DNM1L: variants seen among roughly 807,000 people sequenced by gnomAD.
The protein encoded by DNM1L is dynamin-1-like protein.
In DNM1L, 33 loss-of-function variants were observed where a neutral mutation model predicts 92.8. The observed-to-expected ratio is 0.36, with a 90% confidence interval of 0.27 to 0.48. DNM1L has a LOEUF of 0.48. Among genes scored for constraint, DNM1L ranks in the 20% least tolerant of loss-of-function variants. DNM1L has a pLI of 0.99. For missense variants in DNM1L, 485 were observed against 888.8 expected (o/e 0.55, Z 5.78); for synonymous variants, 284 against 305.0 (o/e 0.93, Z 0.72).
chr12:32,695,824 TGAA>T (rs2137271719), intron 1 of DNM1L, among the ~76,000 whole-genome samples: 2 of 151,850 alleles, frequency 1.3e-5, no homozygotes, highest in East Asian at 3.9e-4. Flanking sequence ...ATTTTAGAAA[TGAA>T]GACAAATTAG....
chr12:32,704,423 G>C (rs1346286931), intron 2 of DNM1L, among the ~76,000 whole-genome samples: 1 of 151,866 alleles, frequency 6.6e-6, no homozygotes, highest in Non-Finnish European at 1.5e-5. Flanking sequence ...GGTGGCGGGT[G>C]CCTGTAATCC....
Position 32,731,823 on chromosome 12 carries a change from A to C in DNM1L, c.1357-31A>C. 1 of 1,579,808 alleles carries C rather than the reference A, an allele frequency of 6.3e-7. No individual in the cohort carries two copies. The highest frequency in any genetic ancestry group is 1.3e-5 in the African/African-American group (1 of 74,230). On this transcript the variant is annotated intron_variant, in intron 11 of 19. Coordinates refer to ENST00000549701, the MANE Select transcript of DNM1L (RefSeq NM_012062.5). This position sits in a 1 kb window ranked among gnomAD's most constrained non-coding sequence, Gnocchi z 5.1. ...TGACTTAAAAAAAAAACAAAAAACAAACACGTTTTTCTTTCATCTACCATT... is the reference window on the plus strand; with the variant it reads ...TGACTTAAAAAAAAAACAAAAAACACACACGTTTTTCTTTCATCTACCATT...
chr12:32,724,204 A>G (rs1953953145), intron 9 of DNM1L, among the ~76,000 whole-genome samples: 1 of 152,178 alleles, frequency 6.6e-6, no homozygotes, highest in South Asian at 2.1e-4. Context: ...CTATCCCTGT[A>G]GTATTTACTA....
rs765281941 is a variant in DNM1L, at chr12:32,711,060, C to T, written c.456+45C>T. On this transcript the variant is annotated intron_variant, in intron 5 of 19. Coordinates refer to ENST00000549701, the MANE Select transcript of DNM1L (RefSeq NM_012062.5). ...AGATTTGGTCAGGTTGTTTTCACTT[C>T]GTTGACATCCCATATGAGAATAATC... 4.7e-6 allele frequency: 7 copies of T among 1,481,052 alleles called. No individual in the cohort carries two copies. The South Asian group carries it at 5.7e-5, about 12-fold the overall frequency. The allele number at this position is 1,481,052 out of a possible 1,614,324, so 91.7% of individuals were successfully genotyped here.
chr12:32,731,807 A>C lies in DNM1L; in HGVS notation c.1357-47A>C, dbSNP rs765201422. The C allele has an allele frequency of 9.2e-6, 14 of 1,520,002 alleles. No homozygotes were observed. The highest frequency in any genetic ancestry group is 2.3e-5 in the East Asian group (1 of 44,428). The allele number at this position is 1,520,002 out of a possible 1,614,324, so 94.2% of individuals were successfully genotyped here. A position where few individuals can be genotyped will look rare whatever the true frequency, so the allele number is the denominator to read the frequency against. Reference sequence around the variant, plus strand: ...TGGCTTAGTGAGACTATGACTTAAAAAAAAAACAAAAAACAAACACGTTTT... The same window carrying C: ...TGGCTTAGTGAGACTATGACTTAAACAAAAAACAAAAAACAAACACGTTTT... On this transcript the variant is annotated intron_variant, in intron 11 of 19. Coordinates refer to ENST00000549701, the MANE Select transcript of DNM1L (RefSeq NM_012062.5). The surrounding 1 kb of genome is among the most constrained non-coding windows in gnomAD (Gnocchi z 5.1).
chr12:32,744,000 G>C lies in DNM1L; in HGVS notation c.*590G>C, dbSNP rs1214065355. The C allele has an allele frequency of 6.4e-6, 1 of 155,496 alleles. No homozygotes were observed. The highest frequency in any genetic ancestry group is 2.4e-5 in the African/African-American group (1 of 41,456). The allele number at this position is 155,496 out of a possible 1,614,324, so 9.6% of individuals were successfully genotyped here. A position where few individuals can be genotyped will look rare whatever the true frequency, so the allele number is the denominator to read the frequency against. ...GGATCTGTGACACTGACATGGCTGT[G>C]GTGTGCATACTGTGTAGTTACATAG... On this transcript the variant is annotated 3_prime_UTR_variant, in exon 20 of 20. Transcript: ENST00000549701.
chr12:32,679,501 C>T (rs764871053), intron 1 of DNM1L, 36 bp downstream of exon 1: 2 of 1,582,994 alleles, frequency 1.3e-6, no homozygotes, highest in Middle Eastern at 1.8e-4. Context: ...CGGGCCAGAC[C>T]CCGGCCGCAG....
chr12:32,734,485 C>T (rs541561743), intron 13 of DNM1L, among the ~76,000 whole-genome samples: 172 of 152,212 alleles, frequency 1.1e-3, no homozygotes, highest in African/African-American at 4.0e-3. Flanking sequence ...GGAAGGGATC[C>T]TGTGTTATTG....
At chr12:32,732,500 GGTTTTTT>G (rs763714019) in intron 12 of DNM1L, 44 of 455,688 alleles carry the variant, frequency 9.7e-5, no homozygotes, top group South Asian at 5.1e-4. Context: ...TTGTTGGCTG[GGTTTTTT>G]GTTTTTTGTT....
At chr12:32,726,590 A>G (rs1954163622) in intron 9 of DNM1L, 4 of 1,175,656 alleles carry the variant, frequency 3.4e-6, no homozygotes, top group South Asian at 2.6e-5. Context: ...TGAAGTCTGC[A>G]GCAAGGATAG....
intron 1 of DNM1L, among the ~76,000 whole-genome samples, chr12:32,685,233 G>C (rs549198624): frequency 6.6e-5 from 10 of 151,178 alleles, no homozygotes; most frequent in South Asian, 4.2e-4. Context: ...CACCGCGCCC[G>C]GTCAGTGAAT....
chr12:32,723,172 A>G (rs1953883568), intron 9 of DNM1L, among the ~76,000 whole-genome samples: 1 of 151,890 alleles, frequency 6.6e-6, no homozygotes, highest in South Asian at 2.1e-4. Flanking sequence ...AATTTTATTA[A>G]GGATTTCAAG....
At chr12:32,742,888 C>CTTTTTTTTTT (rs36039451) in intron 19 of DNM1L, 140 bp downstream of exon 19, 1 of 201,924 alleles carries the variant, frequency 5.0e-6, no homozygotes, top group African/African-American at 4.8e-5. Flanking sequence ...TGATAAGAAT[C>CTTTTTTTTTT]TTTTTTTTTT....
chr12:32,691,611 G>T (rs1268875266), intron 1 of DNM1L, among the ~76,000 whole-genome samples: 1 of 152,130 alleles, frequency 6.6e-6, no homozygotes, highest in Non-Finnish European at 1.5e-5. Flanking sequence ...CCGAGGTACT[G>T]GGGGTTAGGG....
chr12:32,687,681 C>A (rs1303469704), intron 1 of DNM1L, among the ~76,000 whole-genome samples: 1 of 152,030 alleles, frequency 6.6e-6, no homozygotes, highest in African/African-American at 2.4e-5. Flanking sequence ...AACTCCTGAC[C>A]TCAGGTGATC....
chr12:32,687,239 G>GT (rs1159439440), intron 1 of DNM1L, among the ~76,000 whole-genome samples: 3 of 150,890 alleles, frequency 2.0e-5, no homozygotes, highest in African/African-American at 7.3e-5. Context: ...ATTTTTTAAT[G>GT]TTTTTTCCCC....
In DNM1L at chr12:32,718,780, G is replaced by T. The variant is rs1953666263; in HGVS notation, c.740+17G>T. ...AGTTAACAGGTTAGCAGTTAGAATG[G>T]GATAAGAATTGGGATAAGCATTCTT... On this transcript the variant is annotated intron_variant, in intron 7 of 19. Transcript: ENST00000549701. The T allele has an allele frequency of 1.2e-6, 2 of 1,612,846 alleles. No individual in the cohort carries two copies. The highest frequency in any genetic ancestry group is 2.2e-5 in the East Asian group (1 of 44,806).
intron 14 of DNM1L, 139 bp from the exon 15 acceptor site, chr12:32,737,726 A>G (rs548997225): frequency 2.8e-5 from 20 of 721,544 alleles, no homozygotes; most frequent in South Asian, 2.7e-4. Context: ...AGGCAGAATA[A>G]ACAATCTCCC....
intron 9 of DNM1L, among the ~76,000 whole-genome samples, chr12:32,729,907 CA>C (rs1437214724): frequency 6.6e-6 from 1 of 151,822 alleles, no homozygotes; most frequent in Non-Finnish European, 1.5e-5. Context: ...AAAAAGTACT[CA>C]ATAGTGATTG....
Sources: gnomAD v4.1 joint callset for allele counts (sites outside exome capture counted in the v4.1 genomes callset) on GRCh38, gnomAD v4.1.1 for gene constraint, Gnocchi (gnomAD v3.1) non-coding constraint, MANE v1.5 for transcripts, NCBI Gene and HGNC (gene_info 2026-07-23, HGNC 2026-07-21) for gene names.